The following RAB10 variants were observed in gnomAD, a reference collection of about 807,000 sequenced individuals.
RAB10 encodes RAB10, member RAS oncogene family, also known as ras-related protein Rab-10.
RAB10 carries 5 observed loss-of-function variants against 25.7 expected under a neutral mutation model. The ratio of observed to expected loss-of-function variants is 0.19; its 90% confidence interval spans 0.10 to 0.41. The LOEUF (loss-of-function observed/expected upper bound fraction) is 0.41, where lower values mean the gene tolerates loss of function less well. RAB10 is among the 10% of genes least tolerant of loss of function. The pLI is 1.00. For synonymous variants in RAB10, 89 were observed against 86.4 expected, an observed-to-expected ratio of 1.03 and a Z score of -0.16; for missense variants, 103 against 245.8, an observed-to-expected ratio of 0.42 and a Z score of 3.89.
intron 1 of RAB10, among the ~76,000 whole-genome samples, chr2:26,090,446 G>A (rs569484657): frequency 1.5e-3 from 217 of 148,940 alleles, no homozygotes; most frequent in African/African-American, 5.2e-3. Context: ...CATTATGCTA[G>A]GTTCTTGGTG....
At chr2:26,128,569 C>T (rs954874150) in intron 5 of RAB10, among the ~76,000 whole-genome samples, 11 of 151,808 alleles carry the variant, frequency 7.2e-5, no homozygotes, top group Admixed American at 2.0e-4. Context: ...GGACTCATTT[C>T]GCTTAATGAG....
chr2:26,136,299 CAT>C lies in RAB10; in HGVS notation c.*1279_*1280del, dbSNP rs1668111419. 1 of 152,522 alleles carries C rather than the reference CAT, an allele frequency of 6.6e-6. No homozygotes were observed. Among genetic ancestry groups the C allele is most frequent in the East Asian group, 1.9e-4 (1 of 5,200 alleles). 9.4% of individuals were successfully genotyped at this position (152,522 alleles called of 1,614,324 possible). ...AGGAAGGAGGAGTGAATTTTATTAA[CAT>C]GTTTGCCAAATGTATTGAGATTTGG... is the stretch of plus-strand genomic sequence containing the variant. On this transcript the variant is annotated 3_prime_UTR_variant, in exon 6 of 6. Transcript: ENST00000264710.
At chr2:26,075,505 A>T (rs1161890856) in intron 1 of RAB10, among the ~76,000 whole-genome samples, 2 of 152,138 alleles carry the variant, frequency 1.3e-5, no homozygotes, top group African/African-American at 2.4e-5. Context: ...CTCTCTGATT[A>T]AAAAAAGCTC....
intron 1 of RAB10, among the ~76,000 whole-genome samples, chr2:26,089,301 T>C (rs780132735): frequency 3.9e-5 from 6 of 151,900 alleles, no homozygotes; most frequent in Non-Finnish European, 8.8e-5. Context: ...TGGGTGCCTG[T>C]AATCCCAGCT....
intron 1 of RAB10, among the ~76,000 whole-genome samples, chr2:26,051,656 AGGCAGGAGAAT>A (rs527617088): frequency 0.019 from 2,907 of 151,378 alleles, 35 homozygotes; most frequent in Non-Finnish European, 0.026. Context: ...CGGGAGGCTG[AGGCAGGAGAAT>A]CACTTGAACC....
intron 1 of RAB10, among the ~76,000 whole-genome samples, chr2:26,069,409 G>T (rs1666578436): frequency 6.6e-6 from 1 of 152,104 alleles, no homozygotes; most frequent in African/African-American, 2.4e-5. Flanking sequence ...GGCTGGGCTT[G>T]GTGGCTCACA....
At chr2:26,099,402 A>G (rs565676549) in intron 2 of RAB10, among the ~76,000 whole-genome samples, 72 of 152,114 alleles carry the variant, frequency 4.7e-4, no homozygotes, top group Non-Finnish European at 8.2e-4. Context: ...GATAGTGAAC[A>G]TATTTGTCAC....
chr2:26,130,039 T>C (rs749572010), intron 5 of RAB10, among the ~76,000 whole-genome samples: 2 of 152,182 alleles, frequency 1.3e-5, no homozygotes, highest in South Asian at 2.1e-4. Flanking sequence ...TAAATAGCAC[T>C]CCAAGAGAGT....
At chr2:26,115,684 A>G (rs963505014) in intron 3 of RAB10, among the ~76,000 whole-genome samples, 2 of 152,182 alleles carry the variant, frequency 1.3e-5, no homozygotes, top group African/African-American at 4.8e-5. Flanking sequence ...CTCGTAAATA[A>G]CTAAAAAAAC....
Position 26,135,323 on chromosome 2 carries a change from G to A in RAB10, c.*302G>A. ...GTTCTTATCAACATTAAAACCTATA[G>A]CAATCATTTCAAATCTATTCTGCAA... On this transcript the variant is annotated 3_prime_UTR_variant, in exon 6 of 6. Transcript: ENST00000264710. 4.0e-6 allele frequency: 1 copy of A among 247,204 alleles called. No homozygotes were observed. The highest frequency in any genetic ancestry group is 1.3e-4 in the South Asian group (1 of 7,940). The allele number at this position is 247,204 out of a possible 1,614,324, so 15.3% of individuals were successfully genotyped here.
chr2:26,129,736 A>G (rs1340203866), intron 5 of RAB10, among the ~76,000 whole-genome samples: 1 of 152,232 alleles, frequency 6.6e-6, no homozygotes, highest in Admixed American at 6.5e-5. Context: ...TGAGTCTGCC[A>G]GCTTCCTTGC....
chr2:26,091,876 T>C (rs190075056), intron 1 of RAB10, among the ~76,000 whole-genome samples: 1 of 152,236 alleles, frequency 6.6e-6, no homozygotes, highest in East Asian at 1.9e-4. Flanking sequence ...CTACAGCTAG[T>C]AAGATCAGAT....
intron 1 of RAB10, among the ~76,000 whole-genome samples, chr2:26,098,099 T>C (rs1272828574): frequency 7.4e-6 from 1 of 135,946 alleles, no homozygotes; most frequent in Non-Finnish European, 1.5e-5. Flanking sequence ...TTTTCTTTCT[T>C]TCTTTCTTTC....
chr2:26,074,061 A>G (rs1006575745), intron 1 of RAB10, among the ~76,000 whole-genome samples: 1 of 152,216 alleles, frequency 6.6e-6, no homozygotes, highest in South Asian at 2.1e-4. Context: ...CGTCAGCAAG[A>G]TTGACATGAT....
chr2:26,090,331 T>G (rs1484384210), intron 1 of RAB10, among the ~76,000 whole-genome samples: 2 of 152,186 alleles, frequency 1.3e-5, no homozygotes, highest in African/African-American at 4.8e-5. Context: ...AGAGTTGATC[T>G]TTTAAGGTGG....
At chr2:26,112,507 A>G (rs1219774562) in intron 3 of RAB10, among the ~76,000 whole-genome samples, 1 of 152,232 alleles carries the variant, frequency 6.6e-6, no homozygotes, top group East Asian at 1.9e-4. Context: ...CAAAGACCTA[A>G]TATATGTTTT....
intron 1 of RAB10, among the ~76,000 whole-genome samples, chr2:26,042,281 G>T (rs1665907214): frequency 6.6e-6 from 1 of 152,114 alleles, no homozygotes; most frequent in South Asian, 2.1e-4. Context: ...ACATTTTGTT[G>T]TCAGGATGAT....
In RAB10 at chr2:26,109,912, A is replaced by G; in HGVS notation, c.327+6A>G. ...GGCTTAGAAACATAGATGAGGTAAG[A>G]CCTAGAACTTGTATAAACCCTTCAT... On this transcript the variant is annotated splice_donor_region_variant and intron_variant, in intron 3 of 5. Transcript: ENST00000264710. 1 of 1,594,118 alleles carries G rather than the reference A, an allele frequency of 6.3e-7. No homozygotes were observed.
At chr2:26,043,774 G>A (rs1300914173) in intron 1 of RAB10, among the ~76,000 whole-genome samples, 1 of 152,210 alleles carries the variant, frequency 6.6e-6, no homozygotes, top group African/African-American at 2.4e-5. Flanking sequence ...AATGATCACA[G>A]AGTTTTAGTT....
Sources: allele counts gnomAD v4.1 joint callset (sites outside exome capture counted in the v4.1 genomes callset), GRCh38; gene constraint gnomAD v4.1.1; transcripts MANE v1.5; gene names NCBI Gene and HGNC (gene_info 2026-07-23, HGNC 2026-07-21).